EIF2B3: variants seen among roughly 807,000 people sequenced by gnomAD.
EIF2B3 encodes translation initiation factor eIF2B subunit gamma.
Under a neutral mutation model 54.1 loss-of-function variants are expected in EIF2B3, and 20 were observed. The ratio of observed to expected loss-of-function variants is 0.37; its 90% CI spans 0.26 to 0.54. EIF2B3 has a LOEUF of 0.54. Ranked by LOEUF, EIF2B3 falls within the 20% of genes least tolerant of loss-of-function variation. EIF2B3 has a pLI of 0.86. For missense variants in EIF2B3, 448 were observed against 547.8 expected, an observed-to-expected ratio of 0.82 and a Z score of 1.82; for synonymous variants, 153 against 188.1, an observed-to-expected ratio of 0.81 and a Z score of 1.52.
intron 6 of EIF2B3, among the ~76,000 whole-genome samples, chr1:44,889,098 A>G (rs1316628602): frequency 6.6e-6 from 1 of 152,120 alleles, no homozygotes; most frequent in Non-Finnish European, 1.5e-5. Context: ...CTTTACTGTT[A>G]GTTGATTATC....
intron 10 of EIF2B3, among the ~76,000 whole-genome samples, chr1:44,866,603 G>A (rs983020525): frequency 5.9e-5 from 9 of 151,504 alleles, no homozygotes; most frequent in African/African-American, 1.7e-4. Flanking sequence ...CATCCAGTCC[G>A]GAGTCCAATA....
At chr1:44,977,088 C>T (rs1644460621) in intron 3 of EIF2B3, among the ~76,000 whole-genome samples, 1 of 152,174 alleles carries the variant, frequency 6.6e-6, no homozygotes, top group Admixed American at 6.6e-5. Flanking sequence ...TTGAAAATAA[C>T]ACATCCGTTT....
Position 44,861,634 on chromosome 1 carries a change from T to C in EIF2B3, c.1203-3827A>G, listed in dbSNP as rs147276245. On this transcript the variant is annotated intron_variant, in intron 10 of 11. Coordinates refer to ENST00000360403, the MANE Select transcript of EIF2B3 (RefSeq NM_020365.5). ...TTTTCCTTAGGCTTAGTGGATCTGA[T>C]TGGGGTCTTCAGGAACCTCCCACAT... is the stretch of plus-strand genomic sequence containing the variant. Among the ~76,000 whole-genome samples the C allele has an allele frequency of 5.5e-3, 841 of 152,296 alleles. 8 individuals are homozygous for C. The highest frequency in any genetic ancestry group is 0.019 in the African/African-American group (806 of 41,572).
At chr1:44,882,704 T>C (rs867658783) in intron 6 of EIF2B3, among the ~76,000 whole-genome samples, 2 of 151,558 alleles carry the variant, frequency 1.3e-5, no homozygotes, top group Non-Finnish European at 2.9e-5. Flanking sequence ...AACCTCTGCC[T>C]CCTGGGTTCA....
At chr1:44,882,928 C>CT (rs1003449669) in intron 6 of EIF2B3, among the ~76,000 whole-genome samples, 1,827 of 114,452 alleles carry the variant, frequency 0.016, 43 homozygotes, top group African/African-American at 0.037. Context: ...TTTTCTTTTT[C>CT]TTTTTTTTTT....
chr1:44,890,959 A>G (rs1012051799), intron 6 of EIF2B3, among the ~76,000 whole-genome samples: 1 of 152,006 alleles, frequency 6.6e-6, no homozygotes, highest in Non-Finnish European at 1.5e-5. Flanking sequence ...CTTCATCTTT[A>G]CTGCCACTGC....
intron 10 of EIF2B3, among the ~76,000 whole-genome samples, chr1:44,866,190 A>G (rs1448563252): frequency 6.6e-6 from 1 of 152,046 alleles, no homozygotes; most frequent in Non-Finnish European, 1.5e-5. Context: ...TGAGGTCAGG[A>G]ATTTGAGACC....
chr1:44,982,756 A>G (rs1644528216), intron 1 of EIF2B3, among the ~76,000 whole-genome samples: 2 of 147,220 alleles, frequency 1.4e-5, no homozygotes, highest in Non-Finnish European at 3.0e-5. Flanking sequence ...GGGTACCACC[A>G]TGCCTGGCTT....
chr1:44,862,448 GT>G (rs1051725028), intron 10 of EIF2B3, among the ~76,000 whole-genome samples: 3 of 152,180 alleles, frequency 2.0e-5, no homozygotes, highest in Non-Finnish European at 1.5e-5. Flanking sequence ...ACTATACTAT[GT>G]TGTGGCATAT....
At chr1:44,941,068 G>A (rs1221578040) in intron 4 of EIF2B3, among the ~76,000 whole-genome samples, 2 of 151,930 alleles carry the variant, frequency 1.3e-5, no homozygotes, top group African/African-American at 4.8e-5. Flanking sequence ...TGTATTTTTA[G>A]TAGAGATGGG....
At chr1:44,897,203 AATTTC>A (rs1655999957) in intron 6 of EIF2B3, 147 bp downstream of exon 6, 1 of 646,528 alleles carries the variant, frequency 1.5e-6, no homozygotes, top group Admixed American at 2.5e-5. Flanking sequence ...TTGATGACAT[AATTTC>A]ATTTCTAAAA....
At chr1:44,907,694 A>G (rs566184475) in intron 5 of EIF2B3, among the ~76,000 whole-genome samples, 43 of 152,128 alleles carry the variant, frequency 2.8e-4, no homozygotes, top group African/African-American at 9.9e-4. Flanking sequence ...TGAGGTCAGG[A>G]GTTCAAGACC....
At chr1:44,880,139 C>T in intron 7 of EIF2B3, 131 bp from the exon 8 acceptor site, 1 of 963,548 alleles carries the variant, frequency 1.0e-6, no homozygotes, top group Non-Finnish European at 1.6e-6. Context: ...TGGTCTCAAA[C>T]TCCCAGACTC....
intron 10 of EIF2B3, 153 bp downstream of exon 10, chr1:44,874,525 A>T: frequency 2.6e-6 from 2 of 782,798 alleles, no homozygotes; most frequent in Non-Finnish European, 2.0e-6. Flanking sequence ...AGTTTTTGAG[A>T]CTTTTGATAT....
chr1:44,915,369 T>C (rs905024902), intron 5 of EIF2B3, among the ~76,000 whole-genome samples: 2 of 152,106 alleles, frequency 1.3e-5, no homozygotes, highest in Non-Finnish European at 2.9e-5. Context: ...TGGAATGCAA[T>C]GGCATGATCA....
At chr1:44,960,492 A>G (rs975048715) in intron 3 of EIF2B3, among the ~76,000 whole-genome samples, 1 of 152,118 alleles carries the variant, frequency 6.6e-6, no homozygotes, top group Non-Finnish European at 1.5e-5. Flanking sequence ...ACAAAAAATT[A>G]GCCAGGCGAG....
intron 11 of EIF2B3, among the ~76,000 whole-genome samples, chr1:44,853,951 C>T (rs1557656492): frequency 1.3e-5 from 2 of 150,848 alleles, no homozygotes; most frequent in African/African-American, 4.9e-5. Flanking sequence ...CTGTCACTGA[C>T]TGTAAGAAGA....
chr1:44,962,204 A>ACAACATCAT (rs1553179560), intron 3 of EIF2B3, among the ~76,000 whole-genome samples: 2 of 146,334 alleles, frequency 1.4e-5, no homozygotes, highest in Admixed American at 7.0e-5. Flanking sequence ...ATCATCATCA[A>ACAACATCAT]CATCATCATC....
intron 3 of EIF2B3, among the ~76,000 whole-genome samples, chr1:44,954,282 G>A (rs935160367): frequency 1.6e-4 from 24 of 152,296 alleles, no homozygotes; most frequent in African/African-American, 5.5e-4. Context: ...TGTGAAGAAA[G>A]TTAATGGTAG....
Sources: gnomAD v4.1 joint callset for allele counts (sites outside exome capture counted in the v4.1 genomes callset) on GRCh38, gnomAD v4.1.1 for gene constraint, MANE v1.5 for transcripts, NCBI Gene and HGNC (gene_info 2026-07-23, HGNC 2026-07-21) for gene names.